PEX6: variants seen among roughly 807,000 people sequenced by gnomAD.
PEX6 encodes the protein peroxisomal biogenesis factor 6.
In PEX6, 55 loss-of-function variants were observed where a neutral mutation model predicts 85.6. The observed-to-expected ratio is 0.64, with a 90% CI of 0.52 to 0.80. The LOEUF (loss-of-function observed/expected upper bound fraction) is 0.80, where lower values mean the gene tolerates loss of function less well. PEX6 is among the 30% of genes least tolerant of loss of function. The pLI is 0.00. For missense variants in PEX6, 1,099 were observed against 1,260.3 expected (o/e 0.87, Z 1.94); for synonymous variants, 519 against 549.1 (o/e 0.95, Z 0.77).
At chr6:42,977,768 C>CAAA (rs200706906) in intron 1 of PEX6, among the ~76,000 whole-genome samples, 30 of 51,714 alleles carry the variant, frequency 5.8e-4, no homozygotes, top group East Asian at 6.7e-4. Context: ...GACCCCATCT[C>CAAA]AAAAAAAAAA....
In PEX6 at chr6:42,965,306, A is replaced by G. The variant is rs61753226; in HGVS notation, c.2534T>C (p.Ile845Thr). Residue 845 changes from isoleucine (I) to threonine (T), a missense_variant, in exon 14 of 17, where the codon ATT (isoleucine) becomes ACT (threonine). Ile to Thr is a moderately conservative substitution (Grantham distance 89). This residue lies in a region of PEX6 where 514 missense variants were observed against 627.0 expected (regional missense o/e 0.82). Coordinates refer to ENST00000304611, the MANE Select transcript of PEX6 (RefSeq NM_000287.4). The surrounding 1 kb of genome is among the most constrained non-coding windows in gnomAD (Gnocchi z 5.0). ...GLHSTQDVFV[I>T]GATNRPDLLD... ...GAGATCTGGTCTGTTGGTGGCTCCA[A>G]TCACAAACACATCCTGAGTGCTGTG... 36 of 1,614,182 alleles carry G rather than the reference A, an allele frequency of 2.2e-5. No individual in the cohort carries two copies. The Admixed American group carries it at 4.8e-4, about 22-fold the overall frequency.
chr6:42,969,972 A>G lies in PEX6; in HGVS notation c.1146T>C (p.Phe382=). The change falls in exon 4 of 17, where the codon TTT becomes TTC. Residue 382 remains phenylalanine, a synonymous_variant. Transcript: ENST00000304611. ...CCCCAACTGTTTTCTTCACTTTAAA[A>G]AACATTTCCCGCCACCTGCAGGAAA... The part of the protein sequence containing the change: ...PEKLPRWREM[F]FKVKKTVGEA... The G allele has an allele frequency of 6.2e-7, 1 of 1,614,202 alleles. No homozygotes were observed. Among genetic ancestry groups the G allele is most frequent in the East Asian group, 2.2e-5 (1 of 44,886 alleles).
rs779074717 is a variant in PEX6, at chr6:42,969,987, C to T, written c.1131G>A (p.Arg377=). ...ILEGSPEKLP[R]WREMFFKVKK... The stretch of plus-strand genomic sequence containing the variant: ...TCACTTTAAAAAACATTTCCCGCCA[C>T]CTGCAGGAAAAAGGCCCAATGAACC... Residue 377 remains arginine, a splice_region_variant and synonymous_variant, in exon 4 of 17, where the codon AGG becomes AGA. Coordinates refer to ENST00000304611, the MANE Select transcript of PEX6 (RefSeq NM_000287.4). 6.2e-7 allele frequency: 1 copy of T among 1,613,864 alleles called. No homozygotes were observed. The highest frequency in any genetic ancestry group is 1.7e-5 in the Admixed American group (1 of 60,014).
In PEX6 at chr6:42,974,889, G is replaced by A. The variant is rs1770222575; in HGVS notation, c.1032C>T (p.His344=). The part of the protein sequence containing the change: ...NGNYDGVLYR[H]FQIPRVVQEG... Reference sequence around the variant, plus strand: ...AGGTAGCTAACCTGGGTATCTGAAAGTGCCGGTAAAGAACACCGTCATAAT... The same window carrying A: ...AGGTAGCTAACCTGGGTATCTGAAAATGCCGGTAAAGAACACCGTCATAAT... Residue 344 remains histidine (H), a synonymous_variant, in exon 2 of 17, where the codon CAC becomes CAT. Transcript: ENST00000304611. 3 of 1,613,958 alleles carry A rather than the reference G, an allele frequency of 1.9e-6. No homozygotes were observed. The highest frequency in any genetic ancestry group is 2.7e-5 in the African/African-American group (2 of 74,924).
chr6:42,969,677 A>T lies in PEX6; in HGVS notation c.1358T>A (p.Leu453His), dbSNP rs1408554938. 1 of 1,612,590 alleles carries T rather than the reference A, an allele frequency of 6.2e-7. No homozygotes were observed. The highest frequency in any genetic ancestry group is 2.0e-4 in the Middle Eastern group (1 of 4,938). ...SELCAVLKPR[L>H]QPGGALLTGT... ...TGATGACCTCACTCACCCTGGCTGG[A>T]GGCGAGGCTTCAGGACAGCACAGAG... The change falls in exon 5 of 17, where the codon CTC (leucine) becomes CAC (histidine). Residue 453 changes from leucine to histidine, a missense_variant. Leu to His is a moderately conservative substitution (Grantham distance 99). Transcript: ENST00000304611.
In PEX6 at chr6:42,967,394, A is replaced by G. The variant is rs1365537744; in HGVS notation, c.1858T>C (p.Leu620=). 9 of 1,613,222 alleles carry G rather than the reference A, an allele frequency of 5.6e-6. No homozygotes were observed. Among genetic ancestry groups the G allele is most frequent in the African/African-American group, 1.3e-5 (1 of 74,912 alleles). ...AHLPLGQEVN[L]AQLARRCAGF... ...GCACACCGCCGTGCTAGCTGTGCCA[A>G]GTTCACCTCCTGGCCCAGGGGAAGG... The change falls in exon 8 of 17, where the codon TTG becomes CTG. Residue 620 remains leucine (L), a synonymous_variant. Coordinates refer to ENST00000304611, the MANE Select transcript of PEX6 (RefSeq NM_000287.4).
In PEX6 at chr6:42,978,653, C is replaced by G; in HGVS notation, c.498G>C (p.Leu166=). The change falls in exon 1 of 17, where the codon CTG becomes CTC. Residue 166 remains leucine (L), a synonymous_variant. Transcript: ENST00000304611. ...GACTGCTGTCCCCAGACTCTGGACACAGTCTGGCCCGCCCGCGGAGCTCAG... is the reference window on the plus strand; with the variant it reads ...GACTGCTGTCCCCAGACTCTGGACAGAGTCTGGCCCGCCCGCGGAGCTCAG... ...AVTELRGRAR[L]CPESGDSSRP... 6.4e-7 allele frequency: 1 copy of G among 1,573,016 alleles called. No homozygotes were observed. The highest frequency in any genetic ancestry group is 8.6e-7 in the Non-Finnish European group (1 of 1,166,218).
At chr6:42,977,683 C>A (rs1426374640) in intron 1 of PEX6, among the ~76,000 whole-genome samples, 1 of 135,360 alleles carries the variant, frequency 7.4e-6, no homozygotes, top group Non-Finnish European at 1.5e-5. Context: ...ACAGGAGAAT[C>A]GCTTGAACCT....
chr6:42,974,109 G>A (rs777059529), intron 2 of PEX6, 23 bp from the exon 3 acceptor site: 3 of 1,589,008 alleles, frequency 1.9e-6, no homozygotes, highest in South Asian at 2.2e-5. Context: ...AGTGGCCCTG[G>A]TCAGGTCACA....
In PEX6 at chr6:42,964,385, G is replaced by C. The variant is rs777973683; in HGVS notation, c.2893C>G (p.Gln965Glu). The C allele has an allele frequency of 6.2e-7, 1 of 1,613,878 alleles. No homozygotes were observed. Among genetic ancestry groups the C allele is most frequent in the Admixed American group, 1.7e-5 (1 of 60,028 alleles). The change falls in exon 17 of 17, where the codon CAG (glutamine) becomes GAG (glutamate). Residue 965 changes from glutamine (Q) to glutamate (E), a missense_variant. By Grantham distance (29) the Gln-to-Glu change is conservative. This residue lies in a region of PEX6 where 514 missense variants were observed against 627.0 expected (regional missense o/e 0.82). Transcript: ENST00000304611. This position sits in a 1 kb window ranked among gnomAD's most constrained non-coding sequence, Gnocchi z 4.6. ...AARLQPSVSE[Q>E]ELLRYKRIQR... ...ATGCGCTTGTACCGGAGCAGCTCCTGCTCACTGACTGAGGGTTGCAGCCGG... is the reference window on the plus strand; with the variant it reads ...ATGCGCTTGTACCGGAGCAGCTCCTCCTCACTGACTGAGGGTTGCAGCCGG...
intron 10 of PEX6, 39 bp from the exon 11 acceptor site, chr6:42,966,486 G>A: frequency 6.2e-7 from 1 of 1,614,108 alleles, no homozygotes; most frequent in Non-Finnish European, 8.5e-7. Context: ...TATGCTCTTG[G>A]AGGGGCTCCT....
intron 3 of PEX6, among the ~76,000 whole-genome samples, chr6:42,972,026 G>A (rs1211249421): frequency 1.3e-5 from 2 of 152,220 alleles, no homozygotes; most frequent in South Asian, 2.1e-4. Context: ...CCTAAATGGG[G>A]TTCCACAGAG....
rs1434640776 is a variant in PEX6 at position 42,966,104 on chromosome 6, C to T, written c.2302G>A (p.Val768Met). Residue 768 changes from valine (V) to methionine (M), a missense_variant and splice_region_variant, in exon 12 of 17, where the codon GTG becomes ATG. Around this residue, in one of 3 missense-constraint regions of PEX6, gnomAD observed 514 missense variants for 627.0 expected, o/e 0.82. Transcript: ENST00000304611. ...ATECSLTFLSVKGPELINMYV... is the reference protein window; with the variant it reads ...ATECSLTFLSMKGPELINMYV... ...ATGTTAATGAGCTCTGGCCCCTTCA[C>T]GCTGAGTGAGAGGATGTGAGAAGGT... 1.1e-5 allele frequency: 18 copies of T among 1,614,048 alleles called. No individual in the cohort carries two copies. Among genetic ancestry groups the T allele is most frequent in the South Asian group, 3.3e-5 (3 of 91,092 alleles).
At chr6:42,976,754 A>T (rs1770316480) in intron 1 of PEX6, among the ~76,000 whole-genome samples, 1 of 152,136 alleles carries the variant, frequency 6.6e-6, no homozygotes, top group South Asian at 2.1e-4. Flanking sequence ...AACCCATGGA[A>T]ATGGAACAAC....
intron 2 of PEX6, 123 bp from the exon 3 acceptor site, chr6:42,974,209 C>A: frequency 2.7e-6 from 2 of 741,486 alleles, no homozygotes; most frequent in Non-Finnish European, 4.8e-6. Flanking sequence ...AGAGATCCCA[C>A]GCAGTTCTCC....
At chr6:42,969,177 G>A (rs1769964699) in intron 5 of PEX6, among the ~76,000 whole-genome samples, 192 bp from the exon 6 acceptor site, 1 of 152,190 alleles carries the variant, frequency 6.6e-6, no homozygotes, top group Admixed American at 6.5e-5. Flanking sequence ...CTCTGGCCGG[G>A]GCATCCAGCA....
chr6:42,973,681 T>C (rs370255466), intron 3 of PEX6, among the ~76,000 whole-genome samples: 1 of 152,176 alleles, frequency 6.6e-6, no homozygotes, highest in South Asian at 2.1e-4. Flanking sequence ...GGCGAAACCC[T>C]ATCTCTACTA....
intron 9 of PEX6, 56 bp from the exon 10 acceptor site, chr6:42,966,713 C>T (rs1769822773): frequency 6.2e-7 from 1 of 1,613,850 alleles, no homozygotes; most frequent in Non-Finnish European, 8.5e-7. Flanking sequence ...TTCCCTTCTC[C>T]CTTCCTCACC....
Position 42,978,952 on chromosome 6 carries a change from G to A in PEX6, c.199C>T (p.Gln67Ter). The stretch of plus-strand genomic sequence containing the variant: ...AGTAGCTGCGGCGGCCCGGGACCCT[G>A]CTCTTCGGTGCCCGCGTCCGGCCCC... ...LEGPDAGTEE[Q>*]GPGPPQLLVS... The change falls in exon 1 of 17, where the codon CAG becomes TAG. Residue 67 changes from glutamine to a stop codon, truncating the protein, a stop_gained. Transcript: ENST00000304611. LOFTEE classifies it high-confidence loss of function. 1 of 1,497,320 alleles carries A rather than the reference G, an allele frequency of 6.7e-7. No homozygotes were observed. Among genetic ancestry groups the A allele is most frequent in the Non-Finnish European group, 8.8e-7 (1 of 1,131,844 alleles). 92.8% of individuals were successfully genotyped at this position (1,497,320 alleles called of 1,614,324 possible).
Sources: allele counts gnomAD v4.1 joint callset (sites outside exome capture counted in the v4.1 genomes callset), GRCh38; gene constraint gnomAD v4.1.1; regional missense constraint gnomAD v4.1.1; non-coding constraint Gnocchi (gnomAD v3.1); transcripts MANE v1.5; gene names NCBI Gene and HGNC (gene_info 2026-07-23, HGNC 2026-07-21).